Variants in KCTD16 observed in about 807,000 individuals in gnomAD.
KCTD16 encodes potassium channel tetramerization domain containing 16, also known as BTB/POZ domain-containing protein KCTD16.
In KCTD16, 13 loss-of-function variants were observed where a neutral mutation model predicts 33.2. That is an observed-to-expected ratio of 0.39 (90% CI 0.25 to 0.62). KCTD16 has a LOEUF of 0.62. KCTD16 is among the 20% of genes least tolerant of loss of function. The pLI, the probability that KCTD16 is intolerant of heterozygous loss-of-function variation, is 0.50. For synonymous variants in KCTD16, 197 were observed against 195.3 expected (o/e 1.01, Z -0.07); for missense variants, 441 against 525.1 (o/e 0.84, Z 1.57).
intron 3 of KCTD16, among the ~76,000 whole-genome samples, chr5:144,430,859 C>T (rs546813854): frequency 1.3e-4 from 20 of 152,258 alleles, no homozygotes; most frequent in Admixed American, 1.3e-3. Context: ...GTTTTCTGCA[C>T]ATTGCTTTCC....
At chr5:144,188,090 T>C (rs1172269701) in intron 2 of KCTD16, among the ~76,000 whole-genome samples, 1 of 152,232 alleles carries the variant, frequency 6.6e-6, no homozygotes, top group Non-Finnish European at 1.5e-5. Flanking sequence ...GCCATCATTA[T>C]AGGTTTCTTG....
In KCTD16 at chr5:144,320,683, A is replaced by C. The variant is rs1580870468; in HGVS notation, c.832+113137A>C. 2.0e-5 allele frequency among the ~76,000 whole-genome samples: 3 copies of C among 151,850 alleles called. No homozygotes were observed. In the East Asian group the frequency reaches 5.8e-4, roughly 29 times the overall value. On this transcript the variant is annotated intron_variant, in intron 3 of 3. Transcript: ENST00000512467. ...CATTTGCTACCTGTGATAGGACATG[A>C]GTGTTATGGTTTAGAATAATTTCAG...
At chr5:144,204,812 G>A (rs1325517962) in intron 2 of KCTD16, among the ~76,000 whole-genome samples, 2 of 151,908 alleles carry the variant, frequency 1.3e-5, no homozygotes, top group East Asian at 3.9e-4. Context: ...GGGTTGTGGT[G>A]GCAGGCGGAT....
chr5:144,240,221 T>C (rs963914430), intron 3 of KCTD16, among the ~76,000 whole-genome samples: 2 of 152,188 alleles, frequency 1.3e-5, no homozygotes, highest in African/African-American at 2.4e-5. Context: ...ACTTTCTGAC[T>C]GCATCAGAAT....
At chr5:144,251,852 A>C (rs533465820) in intron 3 of KCTD16, among the ~76,000 whole-genome samples, 1 of 152,334 alleles carries the variant, frequency 6.6e-6, no homozygotes, top group Admixed American at 6.5e-5. Context: ...GAATATCTTC[A>C]GCATATGAAG....
At chr5:144,371,925 C>T (rs575784057) in intron 3 of KCTD16, among the ~76,000 whole-genome samples, 10 of 152,026 alleles carry the variant, frequency 6.6e-5, no homozygotes, top group African/African-American at 9.7e-5. Context: ...AGTGGGTTCT[C>T]AACCTTATGC....
intron 3 of KCTD16, among the ~76,000 whole-genome samples, chr5:144,320,019 A>G (rs1051355610): frequency 1.3e-5 from 2 of 152,136 alleles, no homozygotes; most frequent in Admixed American, 1.3e-4. Context: ...ATTGCTTTAT[A>G]TTTAGAGTAT....
chr5:144,288,321 A>G (rs1390238274), intron 3 of KCTD16, among the ~76,000 whole-genome samples: 1 of 152,188 alleles, frequency 6.6e-6, no homozygotes. Flanking sequence ...GTGAATAGGG[A>G]TGATGCTAAC....
rs576316168 is a variant in KCTD16 at position 144,388,047 on chromosome 5, A to T, written c.833-85613A>T. Among the ~76,000 whole-genome samples the T allele has an allele frequency of 4.3e-3, 606 of 139,602 alleles. 5 individuals carry two copies. The highest frequency in any genetic ancestry group is 0.016 in the African/African-American group (580 of 36,698). 91.6% of individuals were successfully genotyped at this position (139,602 alleles called of 152,430 possible). A position where few individuals can be genotyped will look rare whatever the true frequency, so the allele number is the denominator to read the frequency against. ...TTATTAATCGGGAAAAAAAATCCAG[A>T]GTTCAATTTTAGAGCAAGTTTTTTT... On this transcript the variant is annotated intron_variant, in intron 3 of 3. Coordinates refer to ENST00000512467, the MANE Select transcript of KCTD16 (RefSeq NM_020768.4).
At chr5:144,221,362 C>G (rs1240067510) in intron 3 of KCTD16, among the ~76,000 whole-genome samples, 1 of 152,148 alleles carries the variant, frequency 6.6e-6, no homozygotes. Flanking sequence ...TGGTTTGCTG[C>G]ACCCATCATC....
At position 144,357,537 on chromosome 5, in the gene KCTD16, G is replaced by A. The variant is rs531046327; in HGVS notation, c.833-116123G>A. On this transcript the variant is annotated intron_variant, in intron 3 of 3. Coordinates refer to ENST00000512467, the MANE Select transcript of KCTD16 (RefSeq NM_020768.4). ...ATATTGAATATGCCTGGTGCCTGGTGCTATAGTAGAGTCTGGGCAGACAGA... is the reference window on the plus strand; with the variant it reads ...ATATTGAATATGCCTGGTGCCTGGTACTATAGTAGAGTCTGGGCAGACAGA... 2.6e-5 allele frequency among the ~76,000 whole-genome samples: 4 copies of A among 152,312 alleles called. No individual in the cohort carries two copies. In the South Asian group the frequency reaches 8.3e-4, roughly 32 times the overall value.
At chr5:144,179,146 T>G (rs1478009795) in intron 2 of KCTD16, among the ~76,000 whole-genome samples, 1 of 152,166 alleles carries the variant, frequency 6.6e-6, no homozygotes, top group Non-Finnish European at 1.5e-5. Flanking sequence ...TACAGTTGCA[T>G]GTGTTGACTT....
intron 3 of KCTD16, among the ~76,000 whole-genome samples, chr5:144,435,029 G>A (rs538820849): frequency 6.6e-6 from 1 of 152,078 alleles, no homozygotes; most frequent in African/African-American, 2.4e-5. Flanking sequence ...AAGGGGAAGT[G>A]GCCAGAGGCA....
intron 3 of KCTD16, among the ~76,000 whole-genome samples, chr5:144,434,452 A>T (rs1008973384): frequency 2.0e-5 from 3 of 152,098 alleles, no homozygotes; most frequent in African/African-American, 4.8e-5. Context: ...AACTCATGGG[A>T]TACAACTGCT....
chr5:144,219,338 CG>C (rs1359496824), intron 3 of KCTD16, among the ~76,000 whole-genome samples: 1 of 151,550 alleles, frequency 6.6e-6, no homozygotes, highest in African/African-American at 2.4e-5. Context: ...CTCAGCCTCC[CG>C]TGTAGCTGGG....
At chr5:144,263,322 C>A (rs1755061592) in intron 3 of KCTD16, among the ~76,000 whole-genome samples, 1 of 152,154 alleles carries the variant, frequency 6.6e-6, no homozygotes, top group African/African-American at 2.4e-5. Flanking sequence ...ATTTTCGTAA[C>A]TAAATTCTCT....
Position 144,220,323 on chromosome 5 carries a change from A to G in KCTD16, c.832+12777A>G, listed in dbSNP as rs1298300247. The stretch of plus-strand genomic sequence containing the variant: ...GTTTGTTTCCATCCTCGTACTGTTC[A>G]CATGTGTAACTATTTGCTTGATTTA... On this transcript the variant is annotated intron_variant, in intron 3 of 3. Transcript: ENST00000512467. 2.0e-5 allele frequency among the ~76,000 whole-genome samples: 3 copies of G among 152,250 alleles called. No individual in the cohort carries two copies. The East Asian group carries it at 5.8e-4, about 29-fold the overall frequency.
chr5:144,290,379 G>A (rs942779271), intron 3 of KCTD16, among the ~76,000 whole-genome samples: 1 of 152,150 alleles, frequency 6.6e-6, no homozygotes, highest in African/African-American at 2.4e-5. Context: ...TCTCCGAATG[G>A]ACTGAAGTGG....
At chr5:144,388,187 C>G (rs931884633) in intron 3 of KCTD16, among the ~76,000 whole-genome samples, 5 of 144,936 alleles carry the variant, frequency 3.4e-5, no homozygotes, top group Admixed American at 1.5e-4. Context: ...TCACGCCATT[C>G]TCCTCTCTCA....
Sources: gnomAD v4.1 joint callset for allele counts (sites outside exome capture counted in the v4.1 genomes callset) on GRCh38, gnomAD v4.1.1 for gene constraint, MANE v1.5 for transcripts, NCBI Gene and HGNC (gene_info 2026-07-23, HGNC 2026-07-21) for gene names.